Variants in DYM observed in about 807,000 individuals in gnomAD.
DYM encodes the protein dymeclin.
Under a neutral mutation model 93.1 loss-of-function variants are expected in DYM, and 78 were observed. That is an observed-to-expected ratio of 0.84 (90% CI 0.70 to 1.01). The LOEUF (loss-of-function observed/expected upper bound fraction) is 1.01, where lower values mean the gene tolerates loss of function less well. DYM is among the 50% of genes least tolerant of loss of function. The probability of loss-of-function intolerance (pLI) is 0.00; values close to 1 mark genes in which losing one functional copy is unlikely to be tolerated. For missense variants in DYM, 789 were observed against 845.0 expected, an observed-to-expected ratio of 0.93 and a Z score of 0.82; for synonymous variants, 321 against 319.7, an observed-to-expected ratio of 1.00 and a Z score of -0.04.
intron 2 of DYM, among the ~76,000 whole-genome samples, chr18:49,413,995 G>A (rs145084461): frequency 0.011 from 1,662 of 151,800 alleles, 31 homozygotes; most frequent in African/African-American, 0.038. Flanking sequence ...GGACAACAGA[G>A]AGAGACTCTG....
In DYM at chr18:49,430,420, C is replaced by A. The variant is rs2074703262; in HGVS notation, c.-26G>T. ...CTTCTAGCTTAAGCAGATAATTTGT[C>A]CTTAAACCTGCATTTCCAAAAGACA... On this transcript the variant is annotated 5_prime_UTR_variant, in exon 2 of 18. Coordinates refer to ENST00000675505, the MANE Select transcript of DYM (RefSeq NM_001353214.3). 6.2e-7 allele frequency: 1 copy of A among 1,611,682 alleles called. No homozygotes were observed. The highest frequency in any genetic ancestry group is 1.7e-5 in the Admixed American group (1 of 59,970).
At chr18:49,456,879 T>C (rs1286542644) in intron 1 of DYM, among the ~76,000 whole-genome samples, 1 of 152,220 alleles carries the variant, frequency 6.6e-6, no homozygotes, top group Non-Finnish European at 1.5e-5. Context: ...CATTTCCTGA[T>C]AAATGGTGCA....
At chr18:49,113,129 T>C (rs904345944) in intron 16 of DYM, among the ~76,000 whole-genome samples, 2 of 152,202 alleles carry the variant, frequency 1.3e-5, no homozygotes, top group Non-Finnish European at 2.9e-5. Flanking sequence ...TGTTTAACAA[T>C]TGTGGGACTG....
At chr18:49,342,949 T>C (rs2064279648) in intron 6 of DYM, among the ~76,000 whole-genome samples, 1 of 152,186 alleles carries the variant, frequency 6.6e-6, no homozygotes, top group Admixed American at 6.5e-5. Flanking sequence ...ATCCCCATCA[T>C]TAAGCAATGC....
intron 5 of DYM, among the ~76,000 whole-genome samples, chr18:49,370,252 T>A (rs1427416251): frequency 1.4e-5 from 2 of 143,620 alleles, no homozygotes; most frequent in Non-Finnish European, 3.0e-5. Context: ...CACTTCAGCC[T>A]CGGAAACAAG....
At chr18:49,189,407 C>T (rs1286711389) in intron 14 of DYM, among the ~76,000 whole-genome samples, 1 of 152,140 alleles carries the variant, frequency 6.6e-6, no homozygotes, top group Admixed American at 6.5e-5. Context: ...GGCCAAACTT[C>T]TAAATGGCAT....
chr18:49,155,508 A>C (rs1008260676), intron 15 of DYM, among the ~76,000 whole-genome samples: 22 of 152,234 alleles, frequency 1.4e-4, no homozygotes, highest in African/African-American at 5.1e-4. Context: ...ATCACCTCCC[A>C]AAATAAACTC....
chr18:49,169,596 T>G (rs1370326057), intron 14 of DYM, among the ~76,000 whole-genome samples: 1 of 152,082 alleles, frequency 6.6e-6, no homozygotes, highest in Non-Finnish European at 1.5e-5. Flanking sequence ...TATTGAGGTG[T>G]GAGGTGGGAG....
chr18:49,302,229 G>T (rs1032475795), intron 8 of DYM, among the ~76,000 whole-genome samples: 5 of 152,066 alleles, frequency 3.3e-5, no homozygotes, highest in Non-Finnish European at 7.4e-5. Context: ...CTGAAATACA[G>T]ATTTACATCC....
At chr18:49,135,155 A>C (rs983184661) in intron 15 of DYM, among the ~76,000 whole-genome samples, 2 of 152,192 alleles carry the variant, frequency 1.3e-5, no homozygotes, top group East Asian at 3.8e-4. Context: ...AGATACGTAA[A>C]TAAACAACAT....
In DYM at chr18:49,038,000, T is replaced by C. The variant is rs544914809; in HGVS notation, c.*6055A>G. ...CCACCATGCCCAGTTAATTTTTTTA[T>C]TTTTTGTAAAGGTGGGGCCTCATTA... On this transcript the variant is annotated 3_prime_UTR_variant, in exon 18 of 18. Transcript: ENST00000675505. 4.9e-4 allele frequency among the ~76,000 whole-genome samples: 75 copies of C among 152,274 alleles called. No homozygotes were observed. The highest frequency in any genetic ancestry group is 1.6e-4 in the Non-Finnish European group (11 of 68,004).
intron 8 of DYM, among the ~76,000 whole-genome samples, chr18:49,327,001 G>A (rs1278778328): frequency 1.2e-5 from 1 of 82,706 alleles, no homozygotes; most frequent in East Asian, 4.7e-4. Flanking sequence ...CCGTGTGTGT[G>A]TGTGTGTGTG....
rs2071130884 is a variant in DYM, at chr18:49,043,988, A to G, written c.*67T>C. ...AGTAACCTGTCTGTCTACTTCTGTTACCCAGAAATAAAAGAACTTGAAGGG... is the reference window on the plus strand; with the variant it reads ...AGTAACCTGTCTGTCTACTTCTGTTGCCCAGAAATAAAAGAACTTGAAGGG... On this transcript the variant is annotated 3_prime_UTR_variant, in exon 18 of 18. Coordinates refer to ENST00000675505, the MANE Select transcript of DYM (RefSeq NM_001353214.3). 1 of 1,580,976 alleles carries G rather than the reference A, an allele frequency of 6.3e-7. No individual in the cohort carries two copies. The highest frequency in any genetic ancestry group is 1.4e-5 in the African/African-American group (1 of 74,068).
intron 17 of DYM, among the ~76,000 whole-genome samples, chr18:49,046,093 CA>C (rs2071469245): frequency 6.6e-6 from 1 of 151,928 alleles, no homozygotes; most frequent in African/African-American, 2.4e-5. Flanking sequence ...CGCACACACA[CA>C]CACACACCCA....
intron 15 of DYM, among the ~76,000 whole-genome samples, chr18:49,136,033 T>A (rs1037559253): frequency 1.3e-5 from 2 of 152,206 alleles, no homozygotes; most frequent in African/African-American, 4.8e-5. Context: ...CATGAGTCAG[T>A]CAAGGTCAAC....
intron 8 of DYM, chr18:49,321,049 A>G: frequency 4.4e-6 from 1 of 224,900 alleles, no homozygotes; most frequent in Non-Finnish European, 8.6e-6. Context: ...TGACTGGGAT[A>G]TAATTTAACA....
intron 10 of DYM, among the ~76,000 whole-genome samples, chr18:49,279,682 T>C (rs1384789871): frequency 1.3e-5 from 2 of 152,234 alleles, no homozygotes; most frequent in African/African-American, 4.8e-5. Context: ...TCCTGCTTAT[T>C]GCCAACGTTT....
intron 11 of DYM, among the ~76,000 whole-genome samples, chr18:49,269,666 T>C (rs1298131073): frequency 1.3e-5 from 2 of 152,214 alleles, no homozygotes; most frequent in Admixed American, 6.5e-5. Flanking sequence ...CAGATGATTA[T>C]TACAAAATTC....
At chr18:49,455,226 T>C (rs1354313820) in intron 1 of DYM, among the ~76,000 whole-genome samples, 2 of 152,176 alleles carry the variant, frequency 1.3e-5, no homozygotes, top group African/African-American at 4.8e-5. Flanking sequence ...AATATCTATG[T>C]CTAGTCAGAA....
Sources: gnomAD v4.1 joint callset for allele counts (sites outside exome capture counted in the v4.1 genomes callset) on GRCh38, gnomAD v4.1.1 for gene constraint, MANE v1.5 for transcripts, NCBI Gene and HGNC (gene_info 2026-07-23, HGNC 2026-07-21) for gene names.